Variants in CHST11 observed in about 807,000 individuals in gnomAD.
The protein encoded by CHST11 is C4S-1.
A neutral mutation model predicts 30.4 loss-of-function variants in CHST11; 9 were observed. The observed-to-expected ratio is 0.30, with a 90% CI of 0.18 to 0.52. The LOEUF is 0.52. Among genes scored for constraint, CHST11 ranks in the 20% least tolerant of loss-of-function variants. The pLI is 0.97. For synonymous variants in CHST11, 152 were observed against 187.8 expected (o/e 0.81, Z 1.56); for missense variants, 348 against 460.6 (o/e 0.76, Z 2.24).
At chr12:104,702,722 C>T (rs1443007625) in intron 2 of CHST11, among the ~76,000 whole-genome samples, 1 of 152,230 alleles carries the variant, frequency 6.6e-6, no homozygotes, top group Non-Finnish European at 1.5e-5. Context: ...CCCCAGCAGT[C>T]TCTTCAAGCA....
intron 2 of CHST11, among the ~76,000 whole-genome samples, chr12:104,737,968 A>G (rs563072611): frequency 6.6e-6 from 1 of 152,286 alleles, no homozygotes; most frequent in African/African-American, 2.4e-5. Flanking sequence ...AAGCAGATTC[A>G]TTCATGAAAA....
intron 1 of CHST11, among the ~76,000 whole-genome samples, chr12:104,530,517 T>C (rs1267485664): frequency 6.6e-6 from 1 of 152,186 alleles, no homozygotes; most frequent in Non-Finnish European, 1.5e-5. Flanking sequence ...GGTGAGGACA[T>C]TGACAGTTTA....
At chr12:104,696,482 C>CAAAAAAAAAAAAAAA (rs10602668) in intron 2 of CHST11, among the ~76,000 whole-genome samples, 4 of 69,140 alleles carry the variant, frequency 5.8e-5, no homozygotes, top group Non-Finnish European at 1.0e-4. Context: ...GCTAAAAATA[C>CAAAAAAAAAAAAAAA]AAAAAAAAAA....
intron 1 of CHST11, among the ~76,000 whole-genome samples, chr12:104,470,959 C>G (rs1301750877): frequency 6.6e-6 from 1 of 152,196 alleles, no homozygotes; most frequent in Non-Finnish European, 1.5e-5. Context: ...ATGATAGCCC[C>G]TTCTCTTCTT....
chr12:104,652,891 G>T (rs775227865), intron 2 of CHST11, among the ~76,000 whole-genome samples: 1 of 152,118 alleles, frequency 6.6e-6, no homozygotes, highest in South Asian at 2.1e-4. Context: ...CTCCCTACAC[G>T]CTCCCTACAC....
At chr12:104,460,447 T>G (rs149838951) in intron 1 of CHST11, among the ~76,000 whole-genome samples, 5,304 of 152,084 alleles carry the variant, frequency 0.035, 301 homozygotes, top group African/African-American at 0.12. Context: ...GTGCATCACT[T>G]GAGCTCAGGA....
Position 104,634,780 on chromosome 12 carries a change from C to G in CHST11, c.204+32789C>G, listed in dbSNP as rs1011974300. On this transcript the variant is annotated intron_variant, in intron 2 of 2. Coordinates refer to ENST00000303694, the MANE Select transcript of CHST11 (RefSeq NM_018413.6). ...TTAACCCAGGGCTAGTGGCTTCCTA[C>G]TGATGTCTTCAGACCAGGCATTAAC... is the stretch of plus-strand genomic sequence containing the variant. Among the ~76,000 whole-genome samples, 7 of 152,222 alleles carry G rather than the reference C, an allele frequency of 4.6e-5. No homozygotes were observed. The East Asian group carries it at 1.3e-3, about 29-fold the overall frequency.
chr12:104,758,780 A>G lies in CHST11; in HGVS notation c.*977A>G, dbSNP rs1420270090. 1 of 152,202 alleles carries G rather than the reference A, an allele frequency of 6.6e-6. No homozygotes were observed. Among genetic ancestry groups the G allele is most frequent in the Non-Finnish European group, 1.5e-5 (1 of 68,026 alleles). 9.4% of individuals were successfully genotyped at this position (152,202 alleles called of 1,614,324 possible). On this transcript the variant is annotated 3_prime_UTR_variant, in exon 3 of 3. Coordinates refer to ENST00000303694, the MANE Select transcript of CHST11 (RefSeq NM_018413.6). ...CATTTTTCTATGGCCCATATTTGAA[A>G]ACCTCACATTCGGAGCAGGCCACTT...
intron 2 of CHST11, among the ~76,000 whole-genome samples, chr12:104,755,907 C>T (rs796438493): frequency 2.2e-4 from 15 of 68,260 alleles, no homozygotes; most frequent in African/African-American, 1.3e-3. Flanking sequence ...ATTGGTTTCT[C>T]GGGACCCCCC....
At chr12:104,551,815 G>A (rs1403580622) in intron 1 of CHST11, among the ~76,000 whole-genome samples, 1 of 152,100 alleles carries the variant, frequency 6.6e-6, no homozygotes, top group African/African-American at 2.4e-5. Context: ...GGCGACGTAG[G>A]TGTGGGGCAG....
intron 1 of CHST11, among the ~76,000 whole-genome samples, chr12:104,505,339 C>T (rs576023991): frequency 9.2e-5 from 14 of 152,254 alleles, no homozygotes; most frequent in African/African-American, 3.4e-4. Context: ...CCCACACCCC[C>T]CCAGCAGAGA....
rs2040483676 is a variant in CHST11 at position 104,757,142 on chromosome 12, G to A, written c.398G>A (p.Arg133Gln). 1 of 1,614,100 alleles carries A rather than the reference G, an allele frequency of 6.2e-7. No homozygotes were observed. Among genetic ancestry groups the A allele is most frequent in the African/African-American group, 1.3e-5 (1 of 75,018 alleles). Residue 133 changes from arginine to glutamine, a missense_variant, in exon 3 of 3, where the codon CGG becomes CAG. Around this residue, in one of 3 missense-constraint regions of CHST11, gnomAD observed 210 missense variants for 287.2 expected, o/e 0.73. Transcript: ENST00000303694. This position sits in a 1 kb window ranked among gnomAD's most constrained non-coding sequence, Gnocchi z 6.5. Reference sequence around the variant, plus strand: ...AAGGTGGCCTGCACCAACTGGAAGCGGCTCATGATGGTCCTGACCGGGCGG... The same window carrying A: ...AAGGTGGCCTGCACCAACTGGAAGCAGCTCATGATGGTCCTGACCGGGCGG... ...VPKVACTNWK[R>Q]LMMVLTGRGK...
rs1343900759 is a variant in CHST11, at chr12:104,759,879, TC to T, written c.*2078del. The stretch of plus-strand genomic sequence containing the variant: ...CCTTATTTCCAGGCAGAGAACACTG[TC>T]CTCAGAAATGGGACTTCTGATAATG... On this transcript the variant is annotated 3_prime_UTR_variant, in exon 3 of 3. Coordinates refer to ENST00000303694, the MANE Select transcript of CHST11 (RefSeq NM_018413.6). The T allele has an allele frequency of 1.3e-5, 2 of 152,250 alleles. No homozygotes were observed. The highest frequency in any genetic ancestry group is 2.9e-5 in the Non-Finnish European group (2 of 68,054). 9.4% of individuals were successfully genotyped at this position (152,250 alleles called of 1,614,324 possible). A position where few individuals can be genotyped will look rare whatever the true frequency, so the allele number is the denominator to read the frequency against.
chr12:104,747,798 C>A (rs1348513132), intron 2 of CHST11, among the ~76,000 whole-genome samples: 2 of 152,112 alleles, frequency 1.3e-5, no homozygotes, highest in Admixed American at 6.5e-5. Context: ...GCATGTCCCC[C>A]GACTCTGCCC....
chr12:104,638,576 G>T (rs1291354808), intron 2 of CHST11, among the ~76,000 whole-genome samples: 1 of 152,168 alleles, frequency 6.6e-6, no homozygotes, highest in Non-Finnish European at 1.5e-5. Flanking sequence ...TAGTGGGCAG[G>T]ATAGGGTATT....
chr12:104,503,305 A>G (rs1173851503), intron 1 of CHST11, among the ~76,000 whole-genome samples: 1 of 152,214 alleles, frequency 6.6e-6, no homozygotes, highest in South Asian at 2.1e-4. Context: ...TGGTAGGAGT[A>G]TGTCCATTCA....
intron 1 of CHST11, among the ~76,000 whole-genome samples, chr12:104,488,539 G>A (rs1241344638): frequency 6.6e-6 from 1 of 151,582 alleles, no homozygotes. Flanking sequence ...GTATATGTGT[G>A]TATGTGTGCG....
intron 1 of CHST11, among the ~76,000 whole-genome samples, chr12:104,487,555 C>T (rs1290685438): frequency 6.6e-6 from 1 of 152,214 alleles, no homozygotes; most frequent in African/African-American, 2.4e-5. Flanking sequence ...AGCCATTGCT[C>T]CTGGCATTGT....
intron 2 of CHST11, among the ~76,000 whole-genome samples, chr12:104,648,469 A>G (rs2696002): frequency 0.17 from 25,669 of 152,154 alleles, 2,303 homozygotes; most frequent in African/African-American, 0.2. Flanking sequence ...GTCTGGCAGG[A>G]AACAAAAATC....
Sources: allele counts gnomAD v4.1 joint callset (sites outside exome capture counted in the v4.1 genomes callset), GRCh38; gene constraint gnomAD v4.1.1; regional missense constraint gnomAD v4.1.1; non-coding constraint Gnocchi (gnomAD v3.1); transcripts MANE v1.5; gene names NCBI Gene and HGNC (gene_info 2026-07-23, HGNC 2026-07-21).